The following EPHA6 variants were observed in gnomAD, a reference collection of about 807,000 sequenced individuals.
EPHA6 encodes ephrin type-A receptor 6.
Under a neutral mutation model 112.0 loss-of-function variants are expected in EPHA6, and 50 were observed. The observed-to-expected ratio is 0.45, with a 90% CI of 0.36 to 0.56. EPHA6 has a LOEUF of 0.56. EPHA6 is among the 20% of genes least tolerant of loss of function. The pLI is 0.00. For missense variants in EPHA6, 1,280 were observed against 1,417.4 expected (o/e 0.90, Z 1.56); for synonymous variants, 529 against 490.7 (o/e 1.08, Z -1.03).
At chr3:96,909,988 G>A (rs2039133590) in intron 2 of EPHA6, among the ~76,000 whole-genome samples, 1 of 151,944 alleles carries the variant, frequency 6.6e-6, no homozygotes, top group Non-Finnish European at 1.5e-5. Context: ...ATTTGTGCTT[G>A]CATAGTCGCA....
At chr3:97,087,578 A>G (rs2046941410) in intron 3 of EPHA6, among the ~76,000 whole-genome samples, 1 of 152,188 alleles carries the variant, frequency 6.6e-6, no homozygotes, top group South Asian at 2.1e-4. Flanking sequence ...GAAAATGGAA[A>G]ATACAAAAGG....
At chr3:96,952,022 A>G (rs1046868443) in intron 2 of EPHA6, among the ~76,000 whole-genome samples, 2 of 152,150 alleles carry the variant, frequency 1.3e-5, no homozygotes, top group Non-Finnish European at 2.9e-5. Flanking sequence ...CTAGGTGGGT[A>G]TACTTAATCT....
At chr3:97,185,598 C>A (rs1275456153) in intron 3 of EPHA6, among the ~76,000 whole-genome samples, 1 of 152,020 alleles carries the variant, frequency 6.6e-6, no homozygotes, top group African/African-American at 2.4e-5. Flanking sequence ...AACAGGAACA[C>A]TTTTACACTG....
intron 8 of EPHA6, among the ~76,000 whole-genome samples, chr3:97,478,212 G>A (rs1244372111): frequency 6.6e-6 from 1 of 151,974 alleles, no homozygotes; most frequent in Non-Finnish European, 1.5e-5. Context: ...ATAAGTTAAG[G>A]CCTTATTTTT....
intron 1 of EPHA6, among the ~76,000 whole-genome samples, chr3:96,827,590 T>C (rs2033747323): frequency 1.3e-5 from 2 of 152,126 alleles, no homozygotes; most frequent in African/African-American, 4.8e-5. Flanking sequence ...AAACTGTTCA[T>C]ATACTCGGAT....
intron 3 of EPHA6, among the ~76,000 whole-genome samples, chr3:97,122,304 G>A (rs2048062770): frequency 6.6e-6 from 1 of 151,984 alleles, no homozygotes; most frequent in Non-Finnish European, 1.5e-5. Context: ...AATTTTGCAT[G>A]TCTCTGTACA....
Position 96,826,793 on chromosome 3 carries a change from A to G in EPHA6, c.385+11785A>G, listed in dbSNP as rs562273572. Among the ~76,000 whole-genome samples, 6 of 152,154 alleles carry G rather than the reference A, an allele frequency of 3.9e-5. No individual in the cohort carries two copies. In the East Asian group the frequency reaches 9.6e-4, roughly 24 times the overall value. On this transcript the variant is annotated intron_variant, in intron 1 of 17. Transcript: ENST00000389672. ...TTTGCTTCAGCCCTCAAGTTTTTTCACTTTTCTTTTCCTTTTGAGATTTGC... is the reference window on the plus strand; with the variant it reads ...TTTGCTTCAGCCCTCAAGTTTTTTCGCTTTTCTTTTCCTTTTGAGATTTGC...
rs536829764 is a variant in EPHA6, at chr3:96,854,534, C to T, written c.386-12291C>T. On this transcript the variant is annotated intron_variant, in intron 1 of 17. Transcript: ENST00000389672. ...TGTTTTTCACATGAGATTGTAATCA[C>T]CCTGAAGGCAAAGCCTATGTTTATT... is the stretch of plus-strand genomic sequence containing the variant. 3.3e-3 allele frequency among the ~76,000 whole-genome samples: 505 copies of T among 152,078 alleles called. 1 individual carries two copies. The highest frequency in any genetic ancestry group is 5.2e-3 in the Non-Finnish European group (354 of 68,010).
chr3:96,836,731 G>C (rs1385965157), intron 1 of EPHA6, among the ~76,000 whole-genome samples: 1 of 152,156 alleles, frequency 6.6e-6, no homozygotes, highest in Admixed American at 6.6e-5. Context: ...TTGTATCCAA[G>C]TGTCACCATT....
intron 1 of EPHA6, among the ~76,000 whole-genome samples, chr3:96,820,547 T>A (rs2033175794): frequency 6.6e-6 from 1 of 152,122 alleles, no homozygotes. Context: ...CCCAGATTAA[T>A]TTTTCATTAT....
intron 7 of EPHA6, among the ~76,000 whole-genome samples, chr3:97,460,017 T>C (rs193284797): frequency 1.3e-5 from 2 of 152,320 alleles, no homozygotes; most frequent in East Asian, 3.9e-4. Flanking sequence ...CATTAAGTTA[T>C]CTGGGAAACT....
At chr3:97,480,233 T>C (rs34695434) in intron 9 of EPHA6, among the ~76,000 whole-genome samples, 7 of 102,722 alleles carry the variant, frequency 6.8e-5, no homozygotes, top group Non-Finnish European at 1.1e-4. Flanking sequence ...TTTTATTTAT[T>C]TATTTTTTTT....
intron 7 of EPHA6, among the ~76,000 whole-genome samples, chr3:97,464,815 T>C (rs2091004162): frequency 6.6e-6 from 1 of 152,166 alleles, no homozygotes; most frequent in Non-Finnish European, 1.5e-5. Flanking sequence ...ATGTACAAAA[T>C]GGAAATATCT....
At chr3:97,640,354 T>A (rs898657946) in intron 14 of EPHA6, among the ~76,000 whole-genome samples, 1 of 152,196 alleles carries the variant, frequency 6.6e-6, no homozygotes, top group African/African-American at 2.4e-5. Flanking sequence ...TTTCCTGGAA[T>A]AAATGTAAAG....
At chr3:97,178,979 T>C (rs2108445948) in intron 3 of EPHA6, among the ~76,000 whole-genome samples, 1 of 152,220 alleles carries the variant, frequency 6.6e-6, no homozygotes, top group South Asian at 2.1e-4. Flanking sequence ...AATAACTCTT[T>C]GAATTGCTCT....
intron 5 of EPHA6, among the ~76,000 whole-genome samples, chr3:97,399,593 C>G (rs1201737624): frequency 4.6e-5 from 7 of 151,636 alleles, no homozygotes; most frequent in Non-Finnish European, 8.9e-5. Context: ...CTTACCAGCA[C>G]TGGTTATTTA....
intron 3 of EPHA6, among the ~76,000 whole-genome samples, chr3:97,101,581 C>G (rs1480041030): frequency 6.6e-6 from 1 of 152,020 alleles, no homozygotes; most frequent in Non-Finnish European, 1.5e-5. Context: ...GCAAGTTTTT[C>G]TGTTTGGGCC....
At chr3:96,925,262 TTCTA>T (rs1384559342) in intron 2 of EPHA6, among the ~76,000 whole-genome samples, 1 of 152,182 alleles carries the variant, frequency 6.6e-6, no homozygotes, top group Non-Finnish European at 1.5e-5. Context: ...TCAGCTGTGA[TTCTA>T]TCTGACACTG....
At chr3:97,579,154 A>G (rs1225916157) in intron 11 of EPHA6, among the ~76,000 whole-genome samples, 2 of 152,236 alleles carry the variant, frequency 1.3e-5, no homozygotes, top group Admixed American at 1.3e-4. Flanking sequence ...GTTTGTGATT[A>G]TAATTAAGCA....
Sources: allele counts gnomAD v4.1 joint callset (sites outside exome capture counted in the v4.1 genomes callset), GRCh38; gene constraint gnomAD v4.1.1; transcripts MANE v1.5; gene names NCBI Gene and HGNC (gene_info 2026-07-23, HGNC 2026-07-21).